Variants in TRABD2B observed in about 807,000 individuals in gnomAD.
The protein encoded by TRABD2B is metalloprotease TIKI2.
In TRABD2B, 14 loss-of-function variants were observed where a neutral mutation model predicts 40.1. The ratio of observed to expected loss-of-function variants is 0.35; its 90% CI spans 0.23 to 0.55. The LOEUF (loss-of-function observed/expected upper bound fraction) is 0.55. TRABD2B is among the 20% of genes least tolerant of loss of function. TRABD2B has a pLI of 0.90. For synonymous variants in TRABD2B, 263 were observed against 277.0 expected (o/e 0.95, Z 0.50); for missense variants, 541 against 648.6 (o/e 0.83, Z 1.80).
intron 2 of TRABD2B, among the ~76,000 whole-genome samples, chr1:47,864,465 TA>T (rs920709637): frequency 8.5e-4 from 123 of 144,502 alleles, no homozygotes; most frequent in Middle Eastern, 3.6e-3. Context: ...AAAACTGCTC[TA>T]AAAAAAAAAA....
At chr1:47,920,861 C>A (rs1300841093) in intron 2 of TRABD2B, among the ~76,000 whole-genome samples, 1 of 152,172 alleles carries the variant, frequency 6.6e-6, no homozygotes, top group Admixed American at 6.6e-5. Context: ...ATCTCTTGTA[C>A]TTTATGAATG....
chr1:47,782,221 T>C (rs988352034), intron 4 of TRABD2B, among the ~76,000 whole-genome samples: 2 of 152,232 alleles, frequency 1.3e-5, no homozygotes, highest in African/African-American at 2.4e-5. Flanking sequence ...CAGGCTCTGC[T>C]ATTCAACCTA....
At chr1:47,835,398 A>G (rs1053879793) in intron 2 of TRABD2B, among the ~76,000 whole-genome samples, 32 of 152,182 alleles carry the variant, frequency 2.1e-4, no homozygotes, top group Non-Finnish European at 4.4e-5. Flanking sequence ...CCAAAATTTG[A>G]TTTAAAAACA....
In TRABD2B at chr1:47,901,012, C is replaced by T. The variant is rs564353143; in HGVS notation, c.666+93022G>A. 5.8e-4 allele frequency among the ~76,000 whole-genome samples: 89 copies of T among 152,278 alleles called. 1 individual carries two copies. Among genetic ancestry groups the T allele is most frequent in the African/African-American group, 2.0e-3 (84 of 41,550 alleles). On this transcript the variant is annotated intron_variant, in intron 2 of 6. Transcript: ENST00000606738. ...ACCCTCCATCATTAGGTTAGTTGTGCCCGTCTGTCCCATAACATTTACAGA... is the reference window on the plus strand; with the variant it reads ...ACCCTCCATCATTAGGTTAGTTGTGTCCGTCTGTCCCATAACATTTACAGA...
intron 2 of TRABD2B, among the ~76,000 whole-genome samples, chr1:47,979,781 A>G (rs760521552): frequency 6.6e-6 from 1 of 152,208 alleles, no homozygotes; most frequent in Non-Finnish European, 1.5e-5. Flanking sequence ...AAGGCCCTGT[A>G]ATGTATAACT....
chr1:47,784,724 GTC>G (rs1644572251), intron 4 of TRABD2B, among the ~76,000 whole-genome samples: 1 of 152,212 alleles, frequency 6.6e-6, no homozygotes, highest in Non-Finnish European at 1.5e-5. Flanking sequence ...TGGACAACTG[GTC>G]TCTCAAAGAG....
intron 2 of TRABD2B, among the ~76,000 whole-genome samples, chr1:47,921,419 A>G (rs187197003): frequency 4.6e-5 from 7 of 152,204 alleles, no homozygotes; most frequent in Non-Finnish European, 7.4e-5. Context: ...CCTTCCAACA[A>G]CCATCAGACT....
intron 2 of TRABD2B, among the ~76,000 whole-genome samples, chr1:47,960,559 T>G (rs1370493763): frequency 6.6e-6 from 1 of 152,112 alleles, no homozygotes. Context: ...CAAGCATTCC[T>G]ATACACCAAT....
At chr1:47,869,049 TC>T (rs2124583749) in intron 2 of TRABD2B, among the ~76,000 whole-genome samples, 1 of 152,142 alleles carries the variant, frequency 6.6e-6, no homozygotes, top group East Asian at 1.9e-4. Context: ...TCTTCTTTCC[TC>T]CCTCCCTCCT....
chr1:47,830,681 G>C (rs1645236521), intron 2 of TRABD2B, among the ~76,000 whole-genome samples: 1 of 152,196 alleles, frequency 6.6e-6, no homozygotes, highest in South Asian at 2.1e-4. Flanking sequence ...TCCAAGGCCT[G>C]TTATCTCTTT....
At chr1:47,845,598 T>G (rs1001534357) in intron 2 of TRABD2B, among the ~76,000 whole-genome samples, 2 of 152,092 alleles carry the variant, frequency 1.3e-5, no homozygotes, top group African/African-American at 4.8e-5. Context: ...TTAATGACAA[T>G]GAGAAGAAAA....
intron 2 of TRABD2B, among the ~76,000 whole-genome samples, chr1:47,935,036 G>C (rs1218391194): frequency 6.6e-6 from 1 of 152,162 alleles, no homozygotes; most frequent in Non-Finnish European, 1.5e-5. Context: ...TCAGGAGGCA[G>C]CTTTGGCATC....
chr1:47,971,180 A>G (rs562000150), intron 2 of TRABD2B, among the ~76,000 whole-genome samples: 9 of 152,310 alleles, frequency 5.9e-5, no homozygotes, highest in African/African-American at 9.6e-5. Flanking sequence ...TAGACACAGT[A>G]TACTCCCCCA....
At chr1:47,977,051 A>G (rs1645766170) in intron 2 of TRABD2B, among the ~76,000 whole-genome samples, 8 of 151,288 alleles carry the variant, frequency 5.3e-5, no homozygotes. Context: ...AGCTTTATGC[A>G]ATTTTAAGGT....
At chr1:47,926,164 T>C (rs1256255307) in intron 2 of TRABD2B, among the ~76,000 whole-genome samples, 3 of 152,232 alleles carry the variant, frequency 2.0e-5, no homozygotes, top group Non-Finnish European at 4.4e-5. Context: ...AAATCATATG[T>C]TATCTACGAA....
intron 2 of TRABD2B, among the ~76,000 whole-genome samples, chr1:47,817,288 T>C (rs1052885858): frequency 1.3e-5 from 2 of 151,694 alleles, no homozygotes; most frequent in Non-Finnish European, 2.9e-5. Context: ...CAAAAGAGGA[T>C]GGAAGGAGCA....
chr1:47,986,846 G>A (rs993815383), intron 2 of TRABD2B, among the ~76,000 whole-genome samples: 1 of 152,236 alleles, frequency 6.6e-6, no homozygotes, highest in Non-Finnish European at 1.5e-5. Context: ...GCTGCTCGGC[G>A]AGACGGCTTG....
Position 47,917,589 on chromosome 1 carries a change from T to C in TRABD2B, c.666+76445A>G, listed in dbSNP as rs116107466. ...TAAAATAAAAAAAAAAAGCCAAGCA[T>C]GGTGGCATGTGCCATGTGCCTGTGG... On this transcript the variant is annotated intron_variant, in intron 2 of 6. Coordinates refer to ENST00000606738, the MANE Select transcript of TRABD2B (RefSeq NM_001194986.2). Among the ~76,000 whole-genome samples, 1,454 of 151,668 alleles carry C rather than the reference T, an allele frequency of 9.6e-3. 25 individuals carry two copies. The highest frequency in any genetic ancestry group is 0.032 in the African/African-American group (1,323 of 41,330).
At chr1:47,995,055 C>A (rs540963683) in intron 1 of TRABD2B, among the ~76,000 whole-genome samples, 10 of 152,004 alleles carry the variant, frequency 6.6e-5, no homozygotes, top group African/African-American at 2.4e-4. Flanking sequence ...GTGTTTCATG[C>A]GGAGGGTGGG....
Sources: allele counts gnomAD v4.1 joint callset (sites outside exome capture counted in the v4.1 genomes callset), GRCh38; gene constraint gnomAD v4.1.1; transcripts MANE v1.5; gene names NCBI Gene and HGNC (gene_info 2026-07-23, HGNC 2026-07-21).